Variants in RNF19A observed in about 807,000 individuals in gnomAD.
The protein encoded by RNF19A is ring finger protein 19A, RBR E3 ubiquitin protein ligase.
RNF19A carries 32 observed loss-of-function variants against 75.7 expected under a neutral mutation model. The observed-to-expected ratio is 0.42, with a 90% CI of 0.32 to 0.57. The LOEUF (loss-of-function observed/expected upper bound fraction) is 0.57. Ranked by LOEUF, RNF19A falls within the 20% of genes least tolerant of loss-of-function variation. The pLI is 0.10. For synonymous variants in RNF19A, 335 were observed against 345.2 expected, an observed-to-expected ratio of 0.97 and a Z score of 0.33; for missense variants, 782 against 1,036.3, an observed-to-expected ratio of 0.75 and a Z score of 3.37.
Position 100,260,111 on chromosome 8 carries a change from C to T in RNF19A, c.1683-114G>A, listed in dbSNP as rs1819644467. 1 of 909,106 alleles carries T rather than the reference C, an allele frequency of 1.1e-6. No homozygotes were observed. The highest frequency in any genetic ancestry group is 1.6e-5 in the South Asian group (1 of 62,748). 56.3% of individuals were successfully genotyped at this position (909,106 alleles called of 1,614,324 possible). A position where few individuals can be genotyped will look rare whatever the true frequency, so the allele number is the denominator to read the frequency against. On this transcript the variant is annotated intron_variant, in intron 8 of 9. Transcript: ENST00000341084. The surrounding 1 kb of genome is among the most constrained non-coding windows in gnomAD (Gnocchi z 4.1). ...AGTAACCAGAAGCTATTTTAGGAACCATTATTTTTTATTTCCTTTTATTTA... is the reference window on the plus strand; with the variant it reads ...AGTAACCAGAAGCTATTTTAGGAACTATTATTTTTTATTTCCTTTTATTTA...
chr8:100,321,632 T>G (rs887083966), intron 1 of RNF19A, among the ~76,000 whole-genome samples: 12 of 152,186 alleles, frequency 7.9e-5, no homozygotes, highest in Non-Finnish European at 1.3e-4. Context: ...TACAGAAAGT[T>G]TTCAATTCAC....
At position 100,273,585 on chromosome 8, in the gene RNF19A, G is replaced by T. The variant is rs952465284; in HGVS notation, c.883+1368C>A. Among the ~76,000 whole-genome samples the T allele has an allele frequency of 3.3e-5, 5 of 152,202 alleles. No individual in the cohort carries two copies. The South Asian group carries it at 6.2e-4, about 19-fold the overall frequency. ...ATATTCATTTGGATAACTAAATCAT[G>T]ATTTATTTTAAAAAATAATAAAAGC... On this transcript the variant is annotated intron_variant, in intron 3 of 9. Coordinates refer to ENST00000341084, the MANE Select transcript of RNF19A (RefSeq NM_183419.4).
upstream of RNF19A, chr8:100,310,110 C>T (rs1161877777): frequency 1.0e-6 from 1 of 985,592 alleles, no homozygotes; most frequent in Non-Finnish European, 1.2e-6. Context: ...ACCTCCCCCT[C>T]CCGCAGCCCC....
chr8:100,280,413 G>A (rs1056248999), intron 2 of RNF19A, among the ~76,000 whole-genome samples: 3 of 152,138 alleles, frequency 2.0e-5, no homozygotes, highest in Non-Finnish European at 4.4e-5. Flanking sequence ...GGTTACGGGG[G>A]TAGAGAGAAA....
chr8:100,301,749 C>T (rs984209165), intron 1 of RNF19A, among the ~76,000 whole-genome samples: 2 of 152,064 alleles, frequency 1.3e-5, no homozygotes, highest in African/African-American at 4.8e-5. Flanking sequence ...TTCTAAATAT[C>T]GTCTAAATAT....
chr8:100,304,198 G>A (rs1639227081), intron 1 of RNF19A, among the ~76,000 whole-genome samples: 1 of 152,046 alleles, frequency 6.6e-6, no homozygotes, highest in African/African-American at 2.4e-5. Flanking sequence ...CTAACCTCAG[G>A]TGATTTGCCC....
At position 100,323,223 on chromosome 8, in the gene RNF19A, T is replaced by TAAAAAAAATATA. The variant is rs2130363110; in HGVS notation, c.-242-9852_-242-9851insTATATTTTTTTT. 6.6e-6 allele frequency among the ~76,000 whole-genome samples: 1 copy of TAAAAAAAATATA among 152,330 alleles called. No homozygotes were observed. The highest frequency in any genetic ancestry group is 2.1e-4 in the South Asian group (1 of 4,832). ...TAAGATGATGGGATATAGGACTCAA[T>TAAAAAAAATATA]GGTTTTTATTTGAAGGTAGTATTTC... On this transcript the variant is annotated intron_variant, in intron 1 of 3. Coordinates refer to the RNF19A transcript ENST00000519527. This position sits in a 1 kb window ranked among gnomAD's most constrained non-coding sequence, Gnocchi z 4.6.
intron 1 of RNF19A, among the ~76,000 whole-genome samples, chr8:100,297,715 TG>T (rs1821635187): frequency 6.6e-6 from 1 of 152,250 alleles, no homozygotes; most frequent in African/African-American, 2.4e-5. Context: ...CATGGTTCTT[TG>T]TGTGAGTGAG....
chr8:100,278,932 G>C (rs1306511321), intron 2 of RNF19A, among the ~76,000 whole-genome samples: 2 of 152,054 alleles, frequency 1.3e-5, no homozygotes, highest in Non-Finnish European at 2.9e-5. Context: ...AGAAAACAGA[G>C]AAAACCGTGG....
At chr8:100,326,904 ACTT>A (rs898834838) in intron 1 of RNF19A, among the ~76,000 whole-genome samples, 1 of 152,210 alleles carries the variant, frequency 6.6e-6, no homozygotes, top group African/African-American at 2.4e-5. Flanking sequence ...GTTATCTTAT[ACTT>A]CTTTTCCTTT....
chr8:100,327,245 C>CCTTT (rs1822546293), intron 1 of RNF19A, among the ~76,000 whole-genome samples: 1 of 75,836 alleles, frequency 1.3e-5, no homozygotes, highest in African/African-American at 5.5e-5. Flanking sequence ...GCAATTACTT[C>CCTTT]TTTTTTTTTT....
chr8:100,304,353 G>A (rs191575604), intron 1 of RNF19A, among the ~76,000 whole-genome samples: 34 of 152,236 alleles, frequency 2.2e-4, no homozygotes, highest in Non-Finnish European at 3.5e-4. Context: ...TGCCTACCAG[G>A]TAACCACTGC....
chr8:100,286,588 T>C (rs1281344046), intron 2 of RNF19A, among the ~76,000 whole-genome samples: 1 of 152,204 alleles, frequency 6.6e-6, no homozygotes, highest in Non-Finnish European at 1.5e-5. Flanking sequence ...ATCTGAAAAT[T>C]CACTACTCAA....
Position 100,284,981 on chromosome 8 carries a change from T to C in RNF19A, c.674+2520A>G, listed in dbSNP as rs1172251741. On this transcript the variant is annotated intron_variant, in intron 2 of 9. Transcript: ENST00000341084. The surrounding 1 kb of genome is among the most constrained non-coding windows in gnomAD (Gnocchi z 4.3). ...TTTACCAGTGGCTTTACAAGTAACT[T>C]GGTTACCCCCTGAAGTTCACATCCC... is the stretch of plus-strand genomic sequence containing the variant. 6.6e-6 allele frequency among the ~76,000 whole-genome samples: 1 copy of C among 151,898 alleles called. No homozygotes were observed. The highest frequency in any genetic ancestry group is 1.5e-5 in the Non-Finnish European group (1 of 67,812).
In RNF19A at chr8:100,333,724, G is replaced by A. The variant is rs1183742770; in HGVS notation, c.-243+2384C>T. 6.6e-6 allele frequency among the ~76,000 whole-genome samples: 1 copy of A among 152,128 alleles called. No individual in the cohort carries two copies. Among genetic ancestry groups the A allele is most frequent in the Non-Finnish European group, 1.5e-5 (1 of 68,014 alleles). On this transcript the variant is annotated intron_variant, in intron 1 of 3. Coordinates refer to the RNF19A transcript ENST00000519527. The surrounding 1 kb of genome is among the most constrained non-coding windows in gnomAD (Gnocchi z 4.7). ...TCCTAGCTACTTAGGAGGCTGAGGT[G>A]GGAGGATCACTTGAGCCCAGGAGTT...
At position 100,275,428 on chromosome 8, in the gene RNF19A, G is replaced by A. The variant is rs1352151176; in HGVS notation, c.675-267C>T. Among the ~76,000 whole-genome samples the A allele has an allele frequency of 1.3e-5, 2 of 151,294 alleles. No individual in the cohort carries two copies. Among genetic ancestry groups the A allele is most frequent in the African/African-American group, 2.4e-5 (1 of 41,198 alleles). On this transcript the variant is annotated intron_variant, in intron 2 of 9. Coordinates refer to ENST00000341084, the MANE Select transcript of RNF19A (RefSeq NM_183419.4). The surrounding 1 kb of genome is among the most constrained non-coding windows in gnomAD (Gnocchi z 4.3). The stretch of plus-strand genomic sequence containing the variant: ...TTCAGGGTTTTTTTTTTAGATTCAG[G>A]GGGTACATGTGCAAGTTTGTTACAT...
rs139287506 is a variant in RNF19A, at chr8:100,287,661, C to T, written c.514G>A (p.Val172Ile). ...GTACATTCTGGGCAACTAATATTAA[C>T]TCTGCTTTCAGAGATTTCTATCCTT... ...YLRIEISESR[V>I]NISCPECTER... The change falls in exon 2 of 10, where the codon GTT becomes ATT. Residue 172 changes from valine (V) to isoleucine (I), a missense_variant. By Grantham distance (29) the Val-to-Ile change is conservative. Coordinates refer to ENST00000341084, the MANE Select transcript of RNF19A (RefSeq NM_183419.4). The surrounding 1 kb of genome is among the most constrained non-coding windows in gnomAD (Gnocchi z 4.1). The T allele has an allele frequency of 4.4e-5, 71 of 1,614,102 alleles. No homozygotes were observed. Among genetic ancestry groups the T allele is most frequent in the Admixed American group, 2.2e-4 (13 of 60,026 alleles).
intron 1 of RNF19A, among the ~76,000 whole-genome samples, chr8:100,298,597 C>T (rs1435585135): frequency 6.6e-6 from 1 of 152,122 alleles, no homozygotes; most frequent in African/African-American, 2.4e-5. Flanking sequence ...TCAGAATAAG[C>T]TATTCCCATA....
chr8:100,310,256 C>CT (rs1563870477), upstream of RNF19A: 1 of 985,046 alleles, frequency 1.0e-6, no homozygotes, highest in Non-Finnish European at 1.2e-6. Flanking sequence ...CGGCTGTTCC[C>CT]TTGCGCACGT....
Sources: gnomAD v4.1 joint callset for allele counts (sites outside exome capture counted in the v4.1 genomes callset) on GRCh38, gnomAD v4.1.1 for gene constraint, Gnocchi (gnomAD v3.1) non-coding constraint, MANE v1.5 for transcripts, NCBI Gene and HGNC (gene_info 2026-07-23, HGNC 2026-07-21) for gene names.